Variants in ZNRF1 observed in about 807,000 individuals in gnomAD.
ZNRF1 encodes the protein E3 ubiquitin-protein ligase ZNRF1.
In ZNRF1, 3 loss-of-function variants were observed where a neutral mutation model predicts 18.4. That is an observed-to-expected ratio of 0.16 (90% CI 0.07 to 0.42). ZNRF1 has a LOEUF of 0.42. Ranked by LOEUF, ZNRF1 falls within the 10% of genes least tolerant of loss-of-function variation. ZNRF1 has a pLI of 0.99. For synonymous variants in ZNRF1, 157 were observed against 144.2 expected, an observed-to-expected ratio of 1.09 and a Z score of -0.64; for missense variants, 310 against 329.8, an observed-to-expected ratio of 0.94 and a Z score of 0.47.
At chr16:75,094,448 A>C (rs979427269) in intron 2 of ZNRF1, among the ~76,000 whole-genome samples, 1 of 152,262 alleles carries the variant, frequency 6.6e-6, no homozygotes, top group East Asian at 1.9e-4. Context: ...TTTGGAGTCC[A>C]GGTGATGGGA....
intron 2 of ZNRF1, 34 bp from the exon 3 acceptor site, chr16:75,104,750 A>G: frequency 1.3e-6 from 2 of 1,558,850 alleles, no homozygotes; most frequent in Non-Finnish European, 1.7e-6. Flanking sequence ...ACTGGTGACT[A>G]ACCCTCCTGC....
chr16:75,106,436 C>G, intron 3 of ZNRF1, 46 bp from the exon 4 acceptor site: 1 of 1,611,206 alleles, frequency 6.2e-7, no homozygotes. Context: ...TCAAAGCAGC[C>G]TGGGCAGCAG....
chr16:75,040,038 CTTTCTTTTTTTTTTTTT>C (rs2035423121), intron 1 of ZNRF1, among the ~76,000 whole-genome samples: 1 of 93,796 alleles, frequency 1.1e-5, no homozygotes, highest in Non-Finnish European at 2.0e-5. Context: ...TCTTTCTTTT[CTTTCTTTTTTTTTTTTT>C]TTTTTTTTTT....
At chr16:75,068,564 T>C (rs1345647453) in intron 1 of ZNRF1, among the ~76,000 whole-genome samples, 1 of 152,040 alleles carries the variant, frequency 6.6e-6, no homozygotes, top group Non-Finnish European at 1.5e-5. Context: ...CAAATTCAAA[T>C]ATTTGTCCAA....
chr16:75,100,829 T>C (rs2036246692), intron 2 of ZNRF1, among the ~76,000 whole-genome samples: 1 of 152,254 alleles, frequency 6.6e-6, no homozygotes, highest in South Asian at 2.1e-4. Context: ...GGTCCAAGAA[T>C]GTCTGCATGA....
At chr16:75,066,221 C>T (rs928447449) in intron 1 of ZNRF1, among the ~76,000 whole-genome samples, 26 of 152,148 alleles carry the variant, frequency 1.7e-4, no homozygotes, top group African/African-American at 5.8e-4. Flanking sequence ...ACCTCTGTTA[C>T]AAAAACTCCA....
chr16:75,106,948 C>T lies in ZNRF1; in HGVS notation c.*32+377C>T, dbSNP rs537729093. 1.4e-4 allele frequency: 29 copies of T among 211,594 alleles called. No homozygotes were observed. In the South Asian group the frequency reaches 2.2e-3, roughly 16 times the overall value. The allele number at this position is 211,594 out of a possible 1,614,324, so 13.1% of individuals were successfully genotyped here. On this transcript the variant is annotated intron_variant, in intron 4 of 4. Coordinates refer to ENST00000335325, the MANE Select transcript of ZNRF1 (RefSeq NM_032268.5). ...TCATCCTCGCTCACCTCTGAGTCTC[C>T]GCCTCTTCTATGGTAACGGGGATAA...
chr16:75,054,152 G>A (rs2035641373), intron 1 of ZNRF1, among the ~76,000 whole-genome samples: 1 of 152,240 alleles, frequency 6.6e-6, no homozygotes, highest in African/African-American at 2.4e-5. Context: ...AGAAGCCCAT[G>A]TGGAAAATCC....
intron 1 of ZNRF1, among the ~76,000 whole-genome samples, chr16:75,086,125 A>T (rs1427756658): frequency 1.3e-5 from 2 of 152,032 alleles, no homozygotes; most frequent in Non-Finnish European, 2.9e-5. Flanking sequence ...AGGCCTGCTC[A>T]CCTTGGGGAG....
intron 1 of ZNRF1, among the ~76,000 whole-genome samples, chr16:75,013,037 G>C (rs2035019373): frequency 6.6e-6 from 1 of 152,114 alleles, no homozygotes; most frequent in Non-Finnish European, 1.5e-5. Flanking sequence ...CAGTTCTGTA[G>C]GATTAGAGAT....
chr16:75,096,738 G>A (rs2145424566), intron 2 of ZNRF1, among the ~76,000 whole-genome samples: 1 of 152,202 alleles, frequency 6.6e-6, no homozygotes, highest in South Asian at 2.1e-4. Flanking sequence ...AACCACTAAA[G>A]GAAAAAAGTA....
intron 1 of ZNRF1, among the ~76,000 whole-genome samples, chr16:75,016,322 T>G (rs1247228899): frequency 6.6e-6 from 1 of 151,508 alleles, no homozygotes; most frequent in Non-Finnish European, 1.5e-5. Flanking sequence ...CACTGCAACC[T>G]CCACCTCCCG....
intron 1 of ZNRF1, among the ~76,000 whole-genome samples, chr16:75,078,168 C>G (rs2145408017): frequency 6.6e-6 from 1 of 152,180 alleles, no homozygotes; most frequent in South Asian, 2.1e-4. Flanking sequence ...GGAAATTGCC[C>G]TTGGTCACAT....
chr16:75,003,181 C>CA (rs2034875417), intron 1 of ZNRF1, among the ~76,000 whole-genome samples: 1 of 152,204 alleles, frequency 6.6e-6, no homozygotes, highest in Non-Finnish European at 1.5e-5. Context: ...AGGCTGGTCT[C>CA]AAACTCCCGA....
At chr16:75,097,703 A>C (rs563219789) in intron 2 of ZNRF1, among the ~76,000 whole-genome samples, 1 of 152,162 alleles carries the variant, frequency 6.6e-6, no homozygotes, top group East Asian at 1.9e-4. Context: ...TGTAGTTCCA[A>C]CTTCTCAGGA....
At chr16:75,096,080 G>A (rs971230995) in intron 2 of ZNRF1, among the ~76,000 whole-genome samples, 1 of 147,022 alleles carries the variant, frequency 6.8e-6, no homozygotes, top group African/African-American at 2.7e-5. Context: ...GTGTGTGTGT[G>A]TGTGTGTGTG....
chr16:75,048,075 C>T (rs1484349586), intron 1 of ZNRF1, among the ~76,000 whole-genome samples: 4 of 151,994 alleles, frequency 2.6e-5, no homozygotes, highest in Non-Finnish European at 5.9e-5. Context: ...GCCTCAGCTT[C>T]CCAAGTAGCT....
intron 1 of ZNRF1, among the ~76,000 whole-genome samples, chr16:75,029,434 C>T (rs2035270904): frequency 6.6e-6 from 1 of 152,140 alleles, no homozygotes; most frequent in Non-Finnish European, 1.5e-5. Flanking sequence ...AGGCATGAGC[C>T]ACCACGCCCG....
intron 1 of ZNRF1, among the ~76,000 whole-genome samples, chr16:75,050,876 AAAAAAAAAAAAACAAAAAAAAAC>A (rs1299634670): frequency 0.01 from 979 of 95,446 alleles, 62 homozygotes; most frequent in African/African-American, 0.039. Flanking sequence ...GTCTCAAAAA[AAAAAAAAAAAAACAAAAAAAAAC>A]AAAAAACTTG....
Sources: gnomAD v4.1 joint callset for allele counts (sites outside exome capture counted in the v4.1 genomes callset) on GRCh38, gnomAD v4.1.1 for gene constraint, MANE v1.5 for transcripts, NCBI Gene and HGNC (gene_info 2026-07-23, HGNC 2026-07-21) for gene names.